Variants in UBE3B observed in about 807,000 individuals in gnomAD.
UBE3B encodes the protein ubiquitin protein ligase E3B, also known as ubiquitin-protein ligase E3B.
UBE3B carries 80 observed loss-of-function variants against 132.3 expected under a neutral mutation model. The observed-to-expected ratio is 0.60, with a 90% CI of 0.50 to 0.73. UBE3B has a LOEUF of 0.73. Among genes scored for constraint, UBE3B ranks in the 30% least tolerant of loss-of-function variants. The probability of loss-of-function intolerance (pLI) is 0.00; values close to 1 mark genes in which losing one functional copy is unlikely to be tolerated. For synonymous variants in UBE3B, 487 were observed against 520.4 expected, an observed-to-expected ratio of 0.94 and a Z score of 0.87; for missense variants, 1,196 against 1,362.5, an observed-to-expected ratio of 0.88 and a Z score of 1.92.
the UBE3B span, among the ~76,000 whole-genome samples, chr12:109,542,596 A>C: frequency 1.3e-5 from 2 of 152,172 alleles, no homozygotes; most frequent in Admixed American, 6.5e-5. Context: ...ATATAGGAGT[A>C]GGGTGGGACC....
intron 9 of UBE3B, chr12:109,491,415 AT>A: frequency 6.9e-6 from 2 of 290,138 alleles, no homozygotes; most frequent in Non-Finnish European, 1.3e-5. Flanking sequence ...AGATGCAATC[AT>A]TTTTCCTTTT....
At chr12:109,526,665 G>T (rs1566112112) in intron 24 of UBE3B, among the ~76,000 whole-genome samples, 1 of 152,128 alleles carries the variant, frequency 6.6e-6, no homozygotes, top group Non-Finnish European at 1.5e-5. Context: ...GAGGTCAGGA[G>T]TTCGAGACCA....
At chr12:109,482,811 T>C (rs1445951976) in intron 2 of UBE3B, among the ~76,000 whole-genome samples, 1 of 152,228 alleles carries the variant, frequency 6.6e-6, no homozygotes, top group Non-Finnish European at 1.5e-5. Flanking sequence ...CACCCGTTAG[T>C]GGACAGGACC....
In UBE3B at chr12:109,536,180, G is replaced by A. The variant is rs540446508; in HGVS notation, c.*1398G>A. On this transcript the variant is annotated 3_prime_UTR_variant, in exon 28 of 28. Coordinates refer to ENST00000342494, the MANE Select transcript of UBE3B (RefSeq NM_130466.4). Reference sequence around the variant, plus strand: ...CCCCCAGGCTTCTGGAAAAGAGTGTGTGCTCTACTTTGATGGAAACATGGC... The same window carrying A: ...CCCCCAGGCTTCTGGAAAAGAGTGTATGCTCTACTTTGATGGAAACATGGC... The A allele has an allele frequency of 1.3e-5, 2 of 152,386 alleles. No homozygotes were observed. Among genetic ancestry groups the A allele is most frequent in the South Asian group, 4.1e-4 (2 of 4,830 alleles). 9.4% of individuals were successfully genotyped at this position (152,386 alleles called of 1,614,324 possible).
At chr12:109,495,363 T>C (rs1001720447) in intron 9 of UBE3B, among the ~76,000 whole-genome samples, 3 of 152,238 alleles carry the variant, frequency 2.0e-5, no homozygotes, top group Admixed American at 6.5e-5. Flanking sequence ...GCATGACCTC[T>C]GAGTGATTTT....
the UBE3B span, among the ~76,000 whole-genome samples, chr12:109,542,106 A>G: frequency 9.4e-4 from 143 of 152,328 alleles, 1 homozygote; most frequent in African/African-American, 3.3e-3. Context: ...CATGCCATGA[A>G]CCACCACATG....
intron 4 of UBE3B, among the ~76,000 whole-genome samples, chr12:109,484,213 C>A (rs569200278): frequency 6.6e-6 from 1 of 151,934 alleles, no homozygotes; most frequent in African/African-American, 2.4e-5. Context: ...ATGCAAGAGT[C>A]AGGAAGTTTA....
In UBE3B at chr12:109,536,414, C is replaced by A. The variant is rs1317406782; in HGVS notation, c.*1632C>A. On this transcript the variant is annotated 3_prime_UTR_variant, in exon 28 of 28. Coordinates refer to ENST00000342494, the MANE Select transcript of UBE3B (RefSeq NM_130466.4). ...TGGATCCCATCCTAATTTTTATCAC[C>A]TGAAGGTTGGAACCAGTGAGGGACT... 1.3e-5 allele frequency: 2 copies of A among 152,368 alleles called. No individual in the cohort carries two copies. Among genetic ancestry groups the A allele is most frequent in the East Asian group, 3.9e-4 (2 of 5,190 alleles). 9.4% of individuals were successfully genotyped at this position (152,368 alleles called of 1,614,324 possible).
intron 9 of UBE3B, among the ~76,000 whole-genome samples, chr12:109,494,932 C>T (rs1877982768): frequency 6.6e-6 from 1 of 152,176 alleles, no homozygotes; most frequent in African/African-American, 2.4e-5. Context: ...GCCCTTTGTA[C>T]CCTTATAACA....
intron 18 of UBE3B, 134 bp from the exon 19 acceptor site, chr12:109,516,630 CT>C: frequency 4.4e-6 from 6 of 1,378,800 alleles, no homozygotes; most frequent in Non-Finnish European, 5.9e-6. Context: ...ACACTTCTAA[CT>C]GGTAGCACAT....
In UBE3B at chr12:109,481,966, G is replaced by C. The variant is rs1184747383; in HGVS notation, c.-22+224G>C. On this transcript the variant is annotated intron_variant, in intron 2 of 27. Transcript: ENST00000342494. ...GTTTCAAGGATTACTGATGATGTTTGACAGATCACTGTTGAGAAGGGGTCA... is the reference window on the plus strand; with the variant it reads ...GTTTCAAGGATTACTGATGATGTTTCACAGATCACTGTTGAGAAGGGGTCA... Among the ~76,000 whole-genome samples the C allele has an allele frequency of 2.6e-5, 4 of 152,164 alleles. 1 individual carries two copies. The highest frequency in any genetic ancestry group is 5.9e-5 in the Non-Finnish European group (4 of 68,032).
At chr12:109,480,387 C>T (rs1875167283) in intron 1 of UBE3B, among the ~76,000 whole-genome samples, 1 of 152,008 alleles carries the variant, frequency 6.6e-6, no homozygotes, top group Admixed American at 6.6e-5. Flanking sequence ...GTGGCTCATA[C>T]CTGTAATCCT....
intron 26 of UBE3B, among the ~76,000 whole-genome samples, chr12:109,531,129 C>G (rs1397607776): frequency 6.6e-6 from 1 of 152,178 alleles, no homozygotes. Flanking sequence ...CCCATTTTCT[C>G]AATAGCGTAA....
rs762083867 is a variant in UBE3B at position 109,507,637 on chromosome 12, A to G, written c.1524A>G (p.Leu508=). Residue 508 remains leucine, a synonymous_variant, in exon 15 of 28, where the codon TTA becomes TTG. Coordinates refer to ENST00000342494, the MANE Select transcript of UBE3B (RefSeq NM_130466.4). ...GTGAGCTCGGGCCCCACGGAGGGTT[A>G]AAGCTCTTCTTGGAATGCCTGAACA... ...FICELGPHGG[L]KLFLECLNND... The G allele has an allele frequency of 1.2e-6, 2 of 1,614,036 alleles. No individual in the cohort carries two copies. Among genetic ancestry groups the G allele is most frequent in the African/African-American group, 1.3e-5 (1 of 74,914 alleles).
At chr12:109,508,098 G>C (rs1879913900) in intron 15 of UBE3B, among the ~76,000 whole-genome samples, 1 of 152,192 alleles carries the variant, frequency 6.6e-6, no homozygotes, top group Non-Finnish European at 1.5e-5. Flanking sequence ...TTGCTAAGCA[G>C]ATCTTGAGAC....
At chr12:109,527,656 T>A (rs1056118581) in intron 24 of UBE3B, among the ~76,000 whole-genome samples, 1 of 152,226 alleles carries the variant, frequency 6.6e-6, no homozygotes, top group Admixed American at 6.5e-5. Flanking sequence ...CCACAGGGCA[T>A]TAGTTTGAAA....
intron 14 of UBE3B, among the ~76,000 whole-genome samples, chr12:109,503,741 T>C (rs1001659503): frequency 1.3e-5 from 2 of 152,176 alleles, no homozygotes; most frequent in East Asian, 3.8e-4. Context: ...GTCCCCTCTG[T>C]GAGCACAGAA....
At chr12:109,547,782 C>T in the UBE3B span, among the ~76,000 whole-genome samples, 1 of 152,024 alleles carries the variant, frequency 6.6e-6, no homozygotes, top group Non-Finnish European at 1.5e-5. This position sits in a 1 kb window ranked among gnomAD's most constrained non-coding sequence, Gnocchi z 4.1. Flanking sequence ...CCACGGTGCG[C>T]GTGCTCCCTT....
chr12:109,507,546 T>C lies in UBE3B; in HGVS notation c.1451-18T>C, dbSNP rs750995160. 10 of 1,606,786 alleles carry C rather than the reference T, an allele frequency of 6.2e-6. No individual in the cohort carries two copies. Among genetic ancestry groups the C allele is most frequent in the African/African-American group, 1.3e-5 (1 of 74,564 alleles). On this transcript the variant is annotated intron_variant, in intron 14 of 27. Coordinates refer to ENST00000342494, the MANE Select transcript of UBE3B (RefSeq NM_130466.4). ...GGAGTCTCCACCTGAAGCTTGGGTT[T>C]CTCTGTGTTTTTTCCAGGTCTCACT...
Sources: allele counts gnomAD v4.1 joint callset (sites outside exome capture counted in the v4.1 genomes callset), GRCh38; gene constraint gnomAD v4.1.1; non-coding constraint Gnocchi (gnomAD v3.1); transcripts MANE v1.5; gene names NCBI Gene and HGNC (gene_info 2026-07-23, HGNC 2026-07-21).